Variants in SCAPER observed in about 807,000 individuals in gnomAD.
SCAPER encodes S phase cyclin A-associated protein in the endoplasmic reticulum.
In SCAPER, 98 loss-of-function variants were observed where a neutral mutation model predicts 182.2. The observed-to-expected ratio is 0.54, with a 90% CI of 0.46 to 0.64. The LOEUF is 0.64. SCAPER is among the 30% of genes least tolerant of loss of function. The pLI, the probability that SCAPER is intolerant of heterozygous loss-of-function variation, is 0.00. For synonymous variants in SCAPER, 605 were observed against 564.6 expected, an observed-to-expected ratio of 1.07 and a Z score of -1.01; for missense variants, 1,432 against 1,690.0, an observed-to-expected ratio of 0.85 and a Z score of 2.68.
intron 25 of SCAPER, among the ~76,000 whole-genome samples, chr15:76,447,878 C>T: frequency 6.6e-6 from 1 of 152,030 alleles, no homozygotes; most frequent in East Asian, 1.9e-4. Context: ...GATAAGTAAA[C>T]TCATGGTCTT....
intron 21 of SCAPER, among the ~76,000 whole-genome samples, chr15:76,638,888 T>C (rs2053866482): frequency 6.6e-6 from 1 of 152,166 alleles, no homozygotes; most frequent in South Asian, 2.1e-4. Flanking sequence ...TATTTAATTT[T>C]CATAATAAAC....
chr15:76,588,412 A>G (rs1399448409), intron 22 of SCAPER, among the ~76,000 whole-genome samples: 1 of 151,616 alleles, frequency 6.6e-6, no homozygotes, highest in Non-Finnish European at 1.5e-5. Context: ...AAGAATAGCT[A>G]CTCCTATTCG....
chr15:76,380,155 C>T (rs2042858404), intron 28 of SCAPER: 1 of 152,102 alleles, frequency 6.6e-6, no homozygotes, highest in African/African-American at 2.4e-5. Context: ...ATACGGTGGG[C>T]TTACGTCTTC....
At chr15:76,409,183 C>T (rs1374988558) in intron 26 of SCAPER, among the ~76,000 whole-genome samples, 5 of 150,848 alleles carry the variant, frequency 3.3e-5, no homozygotes, top group Non-Finnish European at 4.4e-5. Flanking sequence ...TTTTGTCAAT[C>T]TCATTGTTTT....
chr15:76,842,826 C>A (rs1049726131), intron 4 of SCAPER, among the ~76,000 whole-genome samples: 3 of 152,206 alleles, frequency 2.0e-5, no homozygotes, highest in African/African-American at 4.8e-5. Context: ...CTTCTAATTA[C>A]AGCTCTACAA....
chr15:76,550,252 G>C (rs1271625828), intron 23 of SCAPER, among the ~76,000 whole-genome samples: 3 of 152,098 alleles, frequency 2.0e-5, no homozygotes, highest in East Asian at 3.9e-4. Context: ...CTGTTACATA[G>C]GTAAGTGTGT....
chr15:76,866,741 AAT>A (rs1008994112), intron 2 of SCAPER, among the ~76,000 whole-genome samples: 3 of 152,192 alleles, frequency 2.0e-5, no homozygotes, highest in Non-Finnish European at 2.9e-5. Flanking sequence ...ATGTAAATAA[AAT>A]AGTTTTAAGC....
chr15:76,708,713 C>T (rs779903359), intron 17 of SCAPER, among the ~76,000 whole-genome samples: 2 of 152,072 alleles, frequency 1.3e-5, no homozygotes, highest in Non-Finnish European at 2.9e-5. Flanking sequence ...CGACAAAATA[C>T]ATAAACCTTT....
intron 17 of SCAPER, among the ~76,000 whole-genome samples, chr15:76,706,849 C>A (rs1323668126): frequency 6.6e-6 from 1 of 151,730 alleles, no homozygotes; most frequent in Non-Finnish European, 1.5e-5. Context: ...TAAAAAGAAA[C>A]AAACTGTTGA....
chr15:76,562,951 G>T (rs920996727), intron 23 of SCAPER, among the ~76,000 whole-genome samples: 1 of 152,144 alleles, frequency 6.6e-6, no homozygotes, highest in African/African-American at 2.4e-5. Flanking sequence ...AATTTTGATA[G>T]AAGGAAGCCA....
intron 23 of SCAPER, among the ~76,000 whole-genome samples, chr15:76,511,828 AT>A (rs1249603412): frequency 1.1e-5 from 1 of 94,768 alleles, no homozygotes; most frequent in Non-Finnish European, 2.2e-5. Context: ...AGATACACTT[AT>A]TATATATATA....
intron 23 of SCAPER, among the ~76,000 whole-genome samples, chr15:76,528,020 T>C (rs912510237): frequency 6.6e-6 from 1 of 152,188 alleles, no homozygotes; most frequent in Non-Finnish European, 1.5e-5. Flanking sequence ...CTCTTCTCTT[T>C]TTGCCTTTAA....
intron 10 of SCAPER, among the ~76,000 whole-genome samples, chr15:76,771,316 C>T (rs1226171930): frequency 6.6e-6 from 1 of 152,020 alleles, no homozygotes; most frequent in Non-Finnish European, 1.5e-5. Flanking sequence ...AAATAAATTT[C>T]ATCTTAAAGA....
At chr15:76,746,826 G>T (rs2061818274) in intron 15 of SCAPER, among the ~76,000 whole-genome samples, 1 of 152,150 alleles carries the variant, frequency 6.6e-6, no homozygotes, top group African/African-American at 2.4e-5. Flanking sequence ...TGAAATACTT[G>T]TATGTTAAAA....
At chr15:76,750,848 T>C (rs1397182988) in intron 15 of SCAPER, among the ~76,000 whole-genome samples, 1 of 151,910 alleles carries the variant, frequency 6.6e-6, no homozygotes, top group African/African-American at 2.4e-5. Flanking sequence ...AGATACCTGC[T>C]TTCACCACTT....
intron 4 of SCAPER, among the ~76,000 whole-genome samples, chr15:76,855,553 A>G (rs1445324718): frequency 2.6e-5 from 4 of 151,990 alleles, no homozygotes; most frequent in Non-Finnish European, 5.9e-5. Flanking sequence ...TGGCATCTAT[A>G]ATAAATGCAA....
At chr15:76,755,641 A>G (rs2062375896) in intron 14 of SCAPER, among the ~76,000 whole-genome samples, 1 of 152,132 alleles carries the variant, frequency 6.6e-6, no homozygotes, top group African/African-American at 2.4e-5. Context: ...TCCTTATGTA[A>G]TCTCCTCCCA....
intron 1 of SCAPER, among the ~76,000 whole-genome samples, chr15:76,888,427 A>G (rs2073977394): frequency 6.6e-6 from 1 of 152,184 alleles, no homozygotes; most frequent in African/African-American, 2.4e-5. Flanking sequence ...AAAAACCTTG[A>G]AAAAAGGTTA....
intron 26 of SCAPER, among the ~76,000 whole-genome samples, chr15:76,430,547 TA>T (rs2046793951): frequency 6.6e-6 from 1 of 152,238 alleles, no homozygotes; most frequent in African/African-American, 2.4e-5. Context: ...TTTGGAGCTT[TA>T]AGATCTGACT....
Sources: gnomAD v4.1 joint callset for allele counts (sites outside exome capture counted in the v4.1 genomes callset) on GRCh38, gnomAD v4.1.1 for gene constraint, MANE v1.5 for transcripts, NCBI Gene and HGNC (gene_info 2026-07-23, HGNC 2026-07-21) for gene names.